Variants in TGFBR3 observed in about 807,000 individuals in gnomAD.
TGFBR3 encodes the protein transforming growth factor beta receptor type 3.
Under a neutral mutation model 87.9 loss-of-function variants are expected in TGFBR3, and 46 were observed. The ratio of observed to expected loss-of-function variants is 0.52; its 90% CI spans 0.41 to 0.67. The LOEUF is 0.67. Among genes scored for constraint, TGFBR3 ranks in the 30% least tolerant of loss-of-function variants. The pLI is 0.00. For missense variants in TGFBR3, 866 were observed against 1,041.9 expected, an observed-to-expected ratio of 0.83 and a Z score of 2.32; for synonymous variants, 381 against 391.6, an observed-to-expected ratio of 0.97 and a Z score of 0.32.
At chr1:91,880,323 G>A (rs181219308) in intron 1 of TGFBR3, among the ~76,000 whole-genome samples, 6 of 152,158 alleles carry the variant, frequency 3.9e-5, no homozygotes, top group Admixed American at 2.0e-4. Flanking sequence ...AAATATGGCC[G>A]GGCGCGATGG....
At chr1:91,850,016 G>A (rs1035831211) in intron 2 of TGFBR3, among the ~76,000 whole-genome samples, 4 of 144,128 alleles carry the variant, frequency 2.8e-5, no homozygotes, top group Non-Finnish European at 5.9e-5. Context: ...GGGAGGCAGA[G>A]CTTGCAGTGA....
intron 1 of TGFBR3, among the ~76,000 whole-genome samples, chr1:91,875,573 C>T (rs1678754524): frequency 6.6e-6 from 1 of 151,812 alleles, no homozygotes; most frequent in African/African-American, 2.4e-5. Flanking sequence ...AAAATGTCAA[C>T]CCATAGGGAT....
intron 1 of TGFBR3, among the ~76,000 whole-genome samples, chr1:91,873,933 G>C (rs1404996398): frequency 6.6e-6 from 1 of 150,666 alleles, no homozygotes; most frequent in African/African-American, 2.4e-5. Flanking sequence ...CTGGGTGACA[G>C]AGTGAGACCC....
intron 14 of TGFBR3, among the ~76,000 whole-genome samples, chr1:91,704,340 A>AAAAG (rs1553160634): frequency 6.3e-4 from 95 of 150,544 alleles, no homozygotes; most frequent in African/African-American, 2.3e-3. Context: ...AAAAAAAAAA[A>AAAAG]AAAGAAAGAA....
intron 1 of TGFBR3, among the ~76,000 whole-genome samples, chr1:91,884,136 A>G (rs1679203680): frequency 6.6e-6 from 1 of 152,126 alleles, no homozygotes; most frequent in African/African-American, 2.4e-5. Flanking sequence ...CCTGGCCAAC[A>G]TGGTGAAACG....
intron 2 of TGFBR3, among the ~76,000 whole-genome samples, chr1:91,840,815 CTT>C (rs35003643): frequency 1.4e-4 from 21 of 147,010 alleles, no homozygotes; most frequent in Non-Finnish European, 1.1e-4. Flanking sequence ...TGTTCATTTT[CTT>C]TTTTTTTTTT....
chr1:91,695,765 G>A lies in TGFBR3; in HGVS notation c.2344C>T (p.Leu782=). ...ATGCCCATCACGGTTAGGGTGTCCA[G>A]ACCATGGAAAATTGCTATAAAGGAG... ...NPISPPIFHG[L]DTLTVMGIAF... Residue 782 remains leucine, a synonymous_variant, in exon 16 of 17, where the codon CTG becomes TTG. Transcript: ENST00000212355. 1.9e-6 allele frequency: 3 copies of A among 1,614,106 alleles called. No individual in the cohort carries two copies. The highest frequency in any genetic ancestry group is 2.5e-6 in the Non-Finnish European group (3 of 1,179,982).
chr1:91,740,259 A>G (rs1673115269), intron 4 of TGFBR3, among the ~76,000 whole-genome samples: 2 of 151,274 alleles, frequency 1.3e-5, no homozygotes, highest in Admixed American at 1.3e-4. Flanking sequence ...GGGTTTCACC[A>G]TGTTGGCAAG....
rs367702797 is a variant in TGFBR3 at position 91,851,234 on chromosome 1, G to A, written c.61+10237C>T. Among the ~76,000 whole-genome samples, 16 of 152,198 alleles carry A rather than the reference G, an allele frequency of 1.1e-4. No homozygotes were observed. The East Asian group carries it at 2.7e-3, about 26-fold the overall frequency. ...CTGCTGCCTACTCCTTGGAAGGAACGTTCCAAGAGCTATGGCATTTTTCAG... is the reference window on the plus strand; with the variant it reads ...CTGCTGCCTACTCCTTGGAAGGAACATTCCAAGAGCTATGGCATTTTTCAG... On this transcript the variant is annotated intron_variant, in intron 2 of 16. Transcript: ENST00000212355.
intron 3 of TGFBR3, among the ~76,000 whole-genome samples, chr1:91,794,309 T>C (rs1675297311): frequency 6.6e-6 from 1 of 152,102 alleles, no homozygotes; most frequent in African/African-American, 2.4e-5. Context: ...GTTCAAGTCA[T>C]TCTCCTGCCT....
chr1:91,787,943 G>GGAAAAAAAAA (rs945269870), intron 3 of TGFBR3, among the ~76,000 whole-genome samples: 1 of 133,314 alleles, frequency 7.5e-6, no homozygotes, highest in African/African-American at 3.1e-5. Context: ...GTCTCACGGG[G>GGAAAAAAAAA]AAAAAAAAAA....
chr1:91,758,259 GGACCAC>G (rs1239000752), intron 4 of TGFBR3, among the ~76,000 whole-genome samples: 1 of 151,950 alleles, frequency 6.6e-6, no homozygotes, highest in African/African-American at 2.4e-5. Context: ...TTGTGGTCAG[GGACCAC>G]ACACCCGGTA....
intron 4 of TGFBR3, among the ~76,000 whole-genome samples, chr1:91,741,122 T>C (rs574701551): frequency 6.6e-6 from 1 of 152,282 alleles, no homozygotes; most frequent in East Asian, 1.9e-4. Context: ...TGGAGATAGG[T>C]CAGACCGCAC....
intron 5 of TGFBR3, among the ~76,000 whole-genome samples, chr1:91,733,702 A>G (rs1347688019): frequency 6.6e-6 from 1 of 152,184 alleles, no homozygotes; most frequent in African/African-American, 2.4e-5. Context: ...CTAGTAACTT[A>G]TGGGGGTTCC....
At chr1:91,735,818 AT>A (rs1429256834) in intron 4 of TGFBR3, among the ~76,000 whole-genome samples, 1 of 152,218 alleles carries the variant, frequency 6.6e-6, no homozygotes, top group Non-Finnish European at 1.5e-5. Context: ...GTTGGCTAGC[AT>A]TTATAAAATA....
intron 3 of TGFBR3, chr1:91,783,233 G>C (rs879750016): frequency 6.6e-6 from 1 of 151,650 alleles, no homozygotes; most frequent in Non-Finnish European, 1.5e-5. Flanking sequence ...TCCTCCAAGA[G>C]TTGTACAAAT....
chr1:91,861,215 A>G (rs1678174531), intron 2 of TGFBR3, among the ~76,000 whole-genome samples: 1 of 152,132 alleles, frequency 6.6e-6, no homozygotes, highest in Admixed American at 6.5e-5. Context: ...CAGCCTGAGC[A>G]ACATAGGAAA....
chr1:91,856,526 G>A (rs931043217), intron 2 of TGFBR3, among the ~76,000 whole-genome samples: 1 of 152,122 alleles, frequency 6.6e-6, no homozygotes, highest in Non-Finnish European at 1.5e-5. Flanking sequence ...GAACAAGCAG[G>A]CTCCTATTAT....
chr1:91,789,126 TCTCTACTAAAA>T (rs1675086514), intron 3 of TGFBR3, among the ~76,000 whole-genome samples: 1 of 152,092 alleles, frequency 6.6e-6, no homozygotes, highest in African/African-American at 2.4e-5. Context: ...TGAAACCCCG[TCTCTACTAAAA>T]CTCTACTAAA....
Sources: gnomAD v4.1 joint callset for allele counts (sites outside exome capture counted in the v4.1 genomes callset) on GRCh38, gnomAD v4.1.1 for gene constraint, MANE v1.5 for transcripts, NCBI Gene and HGNC (gene_info 2026-07-23, HGNC 2026-07-21) for gene names.